Variants in PLD5 observed in about 807,000 individuals in gnomAD.
The protein encoded by PLD5 is phospholipase D family member 5.
Under a neutral mutation model 61.1 loss-of-function variants are expected in PLD5, and 36 were observed. That is an observed-to-expected ratio of 0.59 (90% CI 0.45 to 0.78). The LOEUF (loss-of-function observed/expected upper bound fraction) is 0.78. Ranked by LOEUF, PLD5 falls within the 30% of genes least tolerant of loss-of-function variation. PLD5 has a pLI of 0.00. For missense variants in PLD5, 515 were observed against 644.4 expected, an observed-to-expected ratio of 0.80 and a Z score of 2.17; for synonymous variants, 243 against 242.8, an observed-to-expected ratio of 1.00 and a Z score of -0.01.
At chr1:242,218,477 T>C (rs939678105) in intron 5 of PLD5, among the ~76,000 whole-genome samples, 1 of 152,198 alleles carries the variant, frequency 6.6e-6, no homozygotes, top group African/African-American at 2.4e-5. Flanking sequence ...GTTTTCCTAG[T>C]TCAATCCAGA....
intron 1 of PLD5, among the ~76,000 whole-genome samples, chr1:242,384,962 C>T (rs758583572): frequency 2.0e-5 from 3 of 152,070 alleles, no homozygotes; most frequent in East Asian, 1.9e-4. Flanking sequence ...AATTCTGAGT[C>T]GGAGGAAGGA....
chr1:242,497,749 C>T (rs1049571232), intron 1 of PLD5, among the ~76,000 whole-genome samples: 5 of 152,288 alleles, frequency 3.3e-5, no homozygotes, highest in East Asian at 1.9e-4. Context: ...TGCTTTCTAT[C>T]GGGTCTTTAT....
At chr1:242,355,720 A>G (rs190338808) in intron 1 of PLD5, among the ~76,000 whole-genome samples, 8 of 152,082 alleles carry the variant, frequency 5.3e-5, no homozygotes, top group African/African-American at 1.4e-4. Flanking sequence ...TCTTTTTGAT[A>G]TAGGCACTTA....
chr1:242,158,101 C>T (rs1323242360), intron 5 of PLD5, among the ~76,000 whole-genome samples: 1 of 152,204 alleles, frequency 6.6e-6, no homozygotes, highest in East Asian at 1.9e-4. Flanking sequence ...TGTTTGTTTA[C>T]ACCATGAGGG....
intron 5 of PLD5, among the ~76,000 whole-genome samples, chr1:242,183,973 ATATT>A (rs4039793): frequency 0.32 from 48,373 of 151,962 alleles, 7,882 homozygotes; most frequent in African/African-American, 0.36. Context: ...AAATGACTTC[ATATT>A]TATTTATATC....
chr1:242,330,655 T>C (rs1260006200), intron 2 of PLD5, among the ~76,000 whole-genome samples: 2 of 152,152 alleles, frequency 1.3e-5, no homozygotes, highest in African/African-American at 4.8e-5. Flanking sequence ...TTATTAAATA[T>C]TGACAGATTG....
intron 5 of PLD5, among the ~76,000 whole-genome samples, chr1:242,132,715 C>T (rs1231121762): frequency 6.6e-6 from 1 of 152,186 alleles, no homozygotes; most frequent in Non-Finnish European, 1.5e-5. Flanking sequence ...TTCATTCCCA[C>T]AGTGGGTGGT....
intron 2 of PLD5, among the ~76,000 whole-genome samples, chr1:242,329,791 A>ATGCT (rs1370784029): frequency 1.3e-5 from 2 of 152,138 alleles, no homozygotes; most frequent in African/African-American, 4.8e-5. Context: ...GGTACATTAG[A>ATGCT]TGCTTTATGT....
chr1:242,410,960 A>G (rs1479915391), intron 1 of PLD5, among the ~76,000 whole-genome samples: 1 of 152,026 alleles, frequency 6.6e-6, no homozygotes, highest in Non-Finnish European at 1.5e-5. Flanking sequence ...AATAATCGAA[A>G]AAAAAAAGAA....
At position 242,086,134 on chromosome 1, in the gene PLD5, G is replaced by A. The variant is rs1659439022; in HGVS notation, c.*3720C>T. ...AAAAAAATCCCCCACATTTTTCAAA[G>A]GGTGAGATCAACCAAAAATGTGATC... On this transcript the variant is annotated 3_prime_UTR_variant, in exon 10 of 10. Transcript: ENST00000536534. The A allele has an allele frequency of 1.3e-5, 2 of 152,094 alleles. No individual in the cohort carries two copies. Among genetic ancestry groups the A allele is most frequent in the South Asian group, 4.1e-4 (2 of 4,822 alleles). The allele number at this position is 152,094 out of a possible 1,614,324, so 9.4% of individuals were successfully genotyped here.
In PLD5 at chr1:242,089,481, A is replaced by T. The variant is rs926086763; in HGVS notation, c.*373T>A. ...TCCTCACCTTCCTCTCTAAATCAACAGTTCTCAGAATGGTGTTAAAGAGCC... is the reference window on the plus strand; with the variant it reads ...TCCTCACCTTCCTCTCTAAATCAACTGTTCTCAGAATGGTGTTAAAGAGCC... On this transcript the variant is annotated 3_prime_UTR_variant, in exon 10 of 10. Transcript: ENST00000536534. The T allele has an allele frequency of 2.3e-6, 1 of 439,212 alleles. No homozygotes were observed. The highest frequency in any genetic ancestry group is 2.0e-5 in the African/African-American group (1 of 49,650). 27.2% of individuals were successfully genotyped at this position (439,212 alleles called of 1,614,324 possible). A position where few individuals can be genotyped will look rare whatever the true frequency, so the allele number is the denominator to read the frequency against.
chr1:242,267,843 T>A (rs1365619915), intron 3 of PLD5, among the ~76,000 whole-genome samples: 1 of 145,390 alleles, frequency 6.9e-6, no homozygotes. Context: ...ATTGTGCCAC[T>A]GCACACCAGC....
At chr1:242,370,483 T>A (rs756851421) in intron 1 of PLD5, among the ~76,000 whole-genome samples, 1 of 151,758 alleles carries the variant, frequency 6.6e-6, no homozygotes, top group Non-Finnish European at 1.5e-5. Flanking sequence ...ATTCTAATAG[T>A]ACAGAGGGCT....
intron 1 of PLD5, chr1:242,376,921 G>T: frequency 1.9e-6 from 3 of 1,599,402 alleles, no homozygotes; most frequent in Non-Finnish European, 2.6e-6. Context: ...ATCATCTGTG[G>T]CTATTTCTCG....
chr1:242,175,049 A>G (rs1272610569), intron 5 of PLD5, among the ~76,000 whole-genome samples: 1 of 152,080 alleles, frequency 6.6e-6, no homozygotes, highest in African/African-American at 2.4e-5. Context: ...AATAATAAAA[A>G]AAAACTATTC....
intron 1 of PLD5, among the ~76,000 whole-genome samples, chr1:242,387,346 C>G (rs1662655807): frequency 6.6e-6 from 1 of 152,160 alleles, no homozygotes; most frequent in African/African-American, 2.4e-5. Context: ...TATATCAAGA[C>G]TCCTAACAAG....
chr1:242,091,754 C>T (rs1241041134), intron 9 of PLD5, among the ~76,000 whole-genome samples: 1 of 152,114 alleles, frequency 6.6e-6, no homozygotes, highest in African/African-American at 2.4e-5. Flanking sequence ...ACACCACATC[C>T]CTCCACTTGC....
intron 2 of PLD5, among the ~76,000 whole-genome samples, chr1:242,326,734 T>TCTCA (rs1415483015): frequency 6.6e-6 from 1 of 152,152 alleles, no homozygotes; most frequent in Admixed American, 6.5e-5. Flanking sequence ...TGAGACAGGG[T>TCTCA]CTCACTCTGT....
intron 2 of PLD5, among the ~76,000 whole-genome samples, chr1:242,306,280 G>A (rs1173495906): frequency 1.3e-5 from 2 of 150,116 alleles, no homozygotes; most frequent in Non-Finnish European, 3.0e-5. Context: ...TTGGAATGGA[G>A]TATCTTTTAA....
Sources: gnomAD v4.1 joint callset for allele counts (sites outside exome capture counted in the v4.1 genomes callset) on GRCh38, gnomAD v4.1.1 for gene constraint, MANE v1.5 for transcripts, NCBI Gene and HGNC (gene_info 2026-07-23, HGNC 2026-07-21) for gene names.